Variants in LMNTD1 observed in about 807,000 individuals in gnomAD.
The protein encoded by LMNTD1 is lamin tail domain containing 1.
Under a neutral mutation model 50.9 loss-of-function variants are expected in LMNTD1, and 35 were observed. The ratio of observed to expected loss-of-function variants is 0.69; its 90% CI spans 0.53 to 0.91. The LOEUF is 0.91. Among genes scored for constraint, LMNTD1 ranks in the 40% least tolerant of loss-of-function variants. The probability of loss-of-function intolerance (pLI) is 0.00; values close to 1 mark genes in which losing one functional copy is unlikely to be tolerated. For missense variants in LMNTD1, 470 were observed against 475.5 expected (o/e 0.99, Z 0.11); for synonymous variants, 153 against 161.9 (o/e 0.94, Z 0.42).
intron 1 of LMNTD1, among the ~76,000 whole-genome samples, chr12:25,563,188 G>C (rs1012861639): frequency 6.6e-6 from 1 of 152,242 alleles, no homozygotes; most frequent in African/African-American, 2.4e-5. Flanking sequence ...TTGCTGGCGA[G>C]TAGCTGCGTT....
intron 1 of LMNTD1, among the ~76,000 whole-genome samples, chr12:25,575,167 G>C (rs1246248435): frequency 6.6e-6 from 1 of 151,990 alleles, no homozygotes; most frequent in Admixed American, 6.6e-5. Flanking sequence ...CCAAAATAGG[G>C]AGTCTAATAG....
chr12:25,569,685 T>C (rs1944705854), intron 1 of LMNTD1, among the ~76,000 whole-genome samples: 1 of 152,108 alleles, frequency 6.6e-6, no homozygotes, highest in Non-Finnish European at 1.5e-5. Flanking sequence ...TCTCATTCAG[T>C]TAGTTCACAT....
chr12:25,620,465 A>G (rs780133913), intron 1 of LMNTD1, among the ~76,000 whole-genome samples: 4 of 152,030 alleles, frequency 2.6e-5, no homozygotes, highest in African/African-American at 4.8e-5. Flanking sequence ...TGTTTCTCTG[A>G]AGGATGAGAA....
chr12:25,549,392 ATATAGTTACTC>A lies in LMNTD1; in HGVS notation c.233_243del (p.Arg78IlefsTer9). The A allele has an allele frequency of 6.2e-7, 1 of 1,613,194 alleles. No individual in the cohort carries two copies. The highest frequency in any genetic ancestry group is 8.5e-7 in the Non-Finnish European group (1 of 1,179,336). On this transcript the variant is annotated frameshift_variant, in exon 3 of 10. Coordinates refer to ENST00000458174, the MANE Select transcript of LMNTD1 (RefSeq NM_001145728.2). LOFTEE classifies it high-confidence loss of function. ...TTAGAAGTCAATTGTCCAGTTGTTG[ATATAGTTACTC>A]TACTAATCTGAGGACTAGACAGATA...
chr12:25,551,570 T>C (rs1943746836), intron 2 of LMNTD1, among the ~76,000 whole-genome samples: 3 of 152,098 alleles, frequency 2.0e-5, no homozygotes, highest in Admixed American at 2.0e-4. Context: ...GAAAAAAATT[T>C]TGTAGACATG....
intron 9 of LMNTD1, among the ~76,000 whole-genome samples, chr12:25,485,366 T>G (rs1423343412): frequency 1.5e-5 from 2 of 134,404 alleles, no homozygotes; most frequent in Non-Finnish European, 3.2e-5. Flanking sequence ...GTTTTTTTCT[T>G]GTAAATTTGT....
At chr12:25,508,919 G>A (rs1355079653) in intron 8 of LMNTD1, among the ~76,000 whole-genome samples, 1 of 152,076 alleles carries the variant, frequency 6.6e-6, no homozygotes, top group Non-Finnish European at 1.5e-5. Flanking sequence ...TGGGTATGGA[G>A]TGAATATTTT....
chr12:25,627,210 CAAT>C (rs1291493445), intron 1 of LMNTD1, among the ~76,000 whole-genome samples: 1 of 152,224 alleles, frequency 6.6e-6, no homozygotes, highest in Non-Finnish European at 1.5e-5. Flanking sequence ...TTATAACTCA[CAAT>C]AACTTATTGT....
intron 8 of LMNTD1, among the ~76,000 whole-genome samples, chr12:25,515,085 G>T (rs931228990): frequency 5.3e-5 from 8 of 152,062 alleles, no homozygotes; most frequent in African/African-American, 1.9e-4. Context: ...GTTTAGGTAT[G>T]AACCCCAAAG....
chr12:25,514,896 G>T (rs185533278), intron 8 of LMNTD1, among the ~76,000 whole-genome samples: 1 of 152,220 alleles, frequency 6.6e-6, no homozygotes, highest in East Asian at 1.9e-4. Context: ...CATAATTTAA[G>T]ATTCTGGCAA....
chr12:25,492,015 A>G (rs1274810882), intron 9 of LMNTD1, among the ~76,000 whole-genome samples: 1 of 152,252 alleles, frequency 6.6e-6, no homozygotes, highest in East Asian at 1.9e-4. Context: ...AATCAACCAG[A>G]AAACTTAGCA....
intron 8 of LMNTD1, among the ~76,000 whole-genome samples, chr12:25,511,324 T>C (rs1940275559): frequency 6.6e-6 from 1 of 152,050 alleles, no homozygotes; most frequent in East Asian, 1.9e-4. Context: ...TTGATTATAC[T>C]TGGGAGTTGA....
At position 25,571,073 on chromosome 12, in the gene LMNTD1, T is replaced by C. The variant is rs1256991292; in HGVS notation, c.59-24519A>G. Among the ~76,000 whole-genome samples the C allele has an allele frequency of 4.6e-5, 7 of 152,320 alleles. No homozygotes were observed. The East Asian group carries it at 1.2e-3, about 25-fold the overall frequency. On this transcript the variant is annotated intron_variant, in intron 1 of 7. Transcript: ENST00000445693. ...GCCCCATGCTTGGTTTAATGATCTG[T>C]TGTTGCTGCCTTGAAATCCTTAGTA...
intron 9 of LMNTD1, among the ~76,000 whole-genome samples, chr12:25,482,600 T>A (rs563602495): frequency 6.6e-6 from 1 of 152,110 alleles, no homozygotes; most frequent in South Asian, 2.1e-4. Flanking sequence ...GTCATAAAAT[T>A]TAAGCGTTAG....
Position 25,519,586 on chromosome 12 carries a change from T to TAAAAAAAAAAAAAAAAAAAAAAAA in LMNTD1, c.1016+271_1016+272insTTTTTTTTTTTTTTTTTTTTTTTT, listed in dbSNP as rs781742784. Among the ~76,000 whole-genome samples the TAAAAAAAAAAAAAAAAAAAAAAAA allele has an allele frequency of 9.5e-4, 71 of 74,912 alleles. 13 individuals carry two copies. The highest frequency in any genetic ancestry group is 2.2e-3 in the South Asian group (4 of 1,852). The allele number at this position is 74,912 out of a possible 152,430, so 49.1% of individuals were successfully genotyped here. A position where few individuals can be genotyped will look rare whatever the true frequency, so the allele number is the denominator to read the frequency against. On this transcript the variant is annotated intron_variant, in intron 7 of 9. Coordinates refer to ENST00000458174, the MANE Select transcript of LMNTD1 (RefSeq NM_001145728.2). ...CTGGGTGACAGAGCGAGACTCTGTC[T>TAAAAAAAAAAAAAAAAAAAAAAAA]CAAAAAAAAAAAAAAAAAAAAAGTG...
chr12:25,494,313 T>C (rs370220396), intron 9 of LMNTD1, among the ~76,000 whole-genome samples: 3 of 152,288 alleles, frequency 2.0e-5, no homozygotes, highest in South Asian at 2.1e-4. Context: ...AACTTTCCCC[T>C]CATTTTCCGG....
At chr12:25,497,328 C>T (rs1466128001) in intron 9 of LMNTD1, among the ~76,000 whole-genome samples, 2 of 152,068 alleles carry the variant, frequency 1.3e-5, no homozygotes, top group Admixed American at 6.5e-5. Context: ...GCGGGAAGCA[C>T]TGTAGCAGGG....
chr12:25,626,827 T>C (rs1178352107), intron 1 of LMNTD1, among the ~76,000 whole-genome samples: 1 of 152,180 alleles, frequency 6.6e-6, no homozygotes, highest in Non-Finnish European at 1.5e-5. Context: ...AAACCAATTC[T>C]CAATAAGCTT....
At chr12:25,532,604 T>G (rs535476364) in intron 4 of LMNTD1, among the ~76,000 whole-genome samples, 1 of 152,316 alleles carries the variant, frequency 6.6e-6, no homozygotes, top group East Asian at 1.9e-4. Context: ...GGGTGTAACC[T>G]TCTATGAAAT....
Sources: gnomAD v4.1 joint callset for allele counts (sites outside exome capture counted in the v4.1 genomes callset) on GRCh38, gnomAD v4.1.1 for gene constraint, MANE v1.5 for transcripts, NCBI Gene and HGNC (gene_info 2026-07-23, HGNC 2026-07-21) for gene names.